Variants in ZNF236 observed in about 807,000 individuals in gnomAD.
ZNF236 encodes the protein zinc finger protein 236, also known as regulated by glucose.
A neutral mutation model predicts 191.2 loss-of-function variants in ZNF236; 50 were observed. The observed-to-expected ratio is 0.26, with a 90% confidence interval of 0.21 to 0.33. ZNF236 has a LOEUF of 0.33. Ranked by LOEUF, ZNF236 falls within the 10% of genes least tolerant of loss-of-function variation. The pLI is 1.00. For synonymous variants in ZNF236, 907 were observed against 928.8 expected, an observed-to-expected ratio of 0.98 and a Z score of 0.43; for missense variants, 1,754 against 2,374.5, an observed-to-expected ratio of 0.74 and a Z score of 5.43.
intron 1 of ZNF236, among the ~76,000 whole-genome samples, chr18:76,830,494 C>T (rs1975139588): frequency 6.6e-6 from 1 of 152,142 alleles, no homozygotes; most frequent in Non-Finnish European, 1.5e-5. Flanking sequence ...AGGGGATGAG[C>T]GTGCATTTGT....
intron 3 of ZNF236, among the ~76,000 whole-genome samples, chr18:76,860,280 A>G (rs1417477390): frequency 6.6e-6 from 1 of 152,108 alleles, no homozygotes; most frequent in East Asian, 1.9e-4. Flanking sequence ...GACGACATGA[A>G]GGGCAAAGAT....
chr18:76,823,596 T>C (rs1160633483), intron 1 of ZNF236, among the ~76,000 whole-genome samples: 1 of 152,198 alleles, frequency 6.6e-6, no homozygotes, highest in Non-Finnish European at 1.5e-5. Context: ...CATGGTACTT[T>C]GCTAAAGTCA....
chr18:76,952,841 C>T (rs1968440332), intron 27 of ZNF236, among the ~76,000 whole-genome samples: 1 of 152,106 alleles, frequency 6.6e-6, no homozygotes, highest in Admixed American at 6.5e-5. Flanking sequence ...ACCCAAACCC[C>T]CAAACAGGGG....
chr18:76,940,995 A>G (rs541182948), intron 26 of ZNF236, among the ~76,000 whole-genome samples: 1 of 152,312 alleles, frequency 6.6e-6, no homozygotes, highest in South Asian at 2.1e-4. Context: ...CCTTATGAGA[A>G]TCTAGCTAAT....
At chr18:76,922,836 C>T (rs541615090) in intron 20 of ZNF236, among the ~76,000 whole-genome samples, 26 of 152,244 alleles carry the variant, frequency 1.7e-4, no homozygotes, top group African/African-American at 5.5e-4. Flanking sequence ...GGATTACAGG[C>T]GTGAGCCACC....
chr18:76,827,173 G>A (rs1975042560), intron 1 of ZNF236, among the ~76,000 whole-genome samples: 1 of 151,736 alleles, frequency 6.6e-6, no homozygotes. Context: ...TGGGATTATA[G>A]GCGTGAGCCA....
In ZNF236 at chr18:76,880,519, TA is replaced by T. The variant is rs950320112; in HGVS notation, c.1188+213del. 1.3e-3 allele frequency among the ~76,000 whole-genome samples: 198 copies of T among 149,808 alleles called. 2 individuals carry two copies. In the East Asian group the frequency reaches 0.018, roughly 14 times the overall value. Reference sequence around the variant, plus strand: ...TCAAATGATTTATTCATCTATACATTAAAAAAAAAATCACAAACTTTTATTT... The same window carrying T: ...TCAAATGATTTATTCATCTATACATTAAAAAAAAATCACAAACTTTTATTT... On this transcript the variant is annotated intron_variant, in intron 8 of 30. Transcript: ENST00000320610. This position sits in a 1 kb window ranked among gnomAD's most constrained non-coding sequence, Gnocchi z 5.0.
chr18:76,941,982 G>C (rs1240401366), intron 26 of ZNF236, among the ~76,000 whole-genome samples: 1 of 152,096 alleles, frequency 6.6e-6, no homozygotes, highest in Non-Finnish European at 1.5e-5. Context: ...ATCCTTGGTA[G>C]CAATAAAACC....
chr18:76,836,071 C>G lies in ZNF236; in HGVS notation c.55+13409C>G, dbSNP rs567056973. 3.1e-3 allele frequency among the ~76,000 whole-genome samples: 476 copies of G among 152,178 alleles called. 1 individual carries two copies. Among genetic ancestry groups the G allele is most frequent in the Non-Finnish European group, 4.9e-3 (335 of 68,000 alleles). ...TACAGGCGCCCACCACCACACCCAG[C>G]TAATTTTTGTATTTTTAGTAGAGAC... On this transcript the variant is annotated intron_variant, in intron 1 of 30. Transcript: ENST00000320610.
chr18:76,867,101 G>C (rs542395933), intron 3 of ZNF236, among the ~76,000 whole-genome samples: 1 of 152,290 alleles, frequency 6.6e-6, no homozygotes, highest in South Asian at 2.1e-4. Context: ...AGCCAGGGCA[G>C]TATCAGTACG....
At chr18:76,953,588 A>G (rs1968458974) in intron 27 of ZNF236, among the ~76,000 whole-genome samples, 1 of 152,220 alleles carries the variant, frequency 6.6e-6, no homozygotes, top group Non-Finnish European at 1.5e-5. Flanking sequence ...ATGTCTGAAT[A>G]GAAGAATATC....
intron 1 of ZNF236, among the ~76,000 whole-genome samples, chr18:76,829,039 G>A (rs1371961128): frequency 1.3e-5 from 2 of 152,168 alleles, no homozygotes; most frequent in African/African-American, 4.8e-5. Flanking sequence ...GACATCACAT[G>A]GGTTTAAAAC....
At chr18:76,847,224 T>C (rs1975718146) in intron 1 of ZNF236, among the ~76,000 whole-genome samples, 1 of 152,222 alleles carries the variant, frequency 6.6e-6, no homozygotes, top group Admixed American at 6.5e-5. Flanking sequence ...GAAAATTGTT[T>C]TATCATCCTG....
intron 26 of ZNF236, among the ~76,000 whole-genome samples, chr18:76,940,019 G>C (rs1262671666): frequency 7.3e-6 from 1 of 136,164 alleles, no homozygotes; most frequent in Non-Finnish European, 1.6e-5. Flanking sequence ...TTGGGAACAC[G>C]GTGGGCTACC....
intron 28 of ZNF236, among the ~76,000 whole-genome samples, chr18:76,958,417 C>G (rs1461355738): frequency 6.6e-6 from 1 of 152,168 alleles, no homozygotes; most frequent in African/African-American, 2.4e-5. Context: ...GGAGATTTCT[C>G]TGGAGGTCAG....
chr18:76,942,021 C>T (rs1025406714), intron 26 of ZNF236, among the ~76,000 whole-genome samples: 16 of 152,112 alleles, frequency 1.1e-4, no homozygotes, highest in Admixed American at 7.9e-4. Context: ...GATTAATGAA[C>T]CTACAAGAAA....
At chr18:76,884,533 G>A (rs756443989) in intron 9 of ZNF236, among the ~76,000 whole-genome samples, 2 of 152,196 alleles carry the variant, frequency 1.3e-5, no homozygotes, top group Non-Finnish European at 2.9e-5. Context: ...ACTATTGTGT[G>A]TGGAAACTTT....
In ZNF236 at chr18:76,956,098, C is replaced by T. The variant is rs1258167548; in HGVS notation, c.5028C>T (p.His1676=). The T allele has an allele frequency of 9.4e-6, 15 of 1,589,494 alleles. No individual in the cohort carries two copies. Among genetic ancestry groups the T allele is most frequent in the Non-Finnish European group, 1.2e-5 (14 of 1,169,100 alleles). The change falls in exon 28 of 31, where the codon CAC becomes CAT. Residue 1676 remains histidine (H), a synonymous_variant. Coordinates refer to ENST00000320610, the MANE Select transcript of ZNF236 (RefSeq NM_001306089.2). ...TCTCATCGGCGGCGGTGCTCATGCA[C>T]CACAGCAAGGAGGTGCATGGCCGGG... ...RAFSSAAVLM[H]HSKEVHGRER...
chr18:76,963,838 A>G (rs2122974209), intron 30 of ZNF236, among the ~76,000 whole-genome samples: 1 of 152,170 alleles, frequency 6.6e-6, no homozygotes, highest in Admixed American at 6.5e-5. Flanking sequence ...CCATCTTTCT[A>G]GGTTTTCTAG....
Sources: gnomAD v4.1 joint callset for allele counts (sites outside exome capture counted in the v4.1 genomes callset) on GRCh38, gnomAD v4.1.1 for gene constraint, Gnocchi (gnomAD v3.1) non-coding constraint, MANE v1.5 for transcripts, NCBI Gene and HGNC (gene_info 2026-07-23, HGNC 2026-07-21) for gene names.